Variants in GBA2 observed in about 807,000 individuals in gnomAD.
GBA2 encodes glucosylceramidase beta 2.
In GBA2, 79 loss-of-function variants were observed where a neutral mutation model predicts 112.9. The ratio of observed to expected loss-of-function variants is 0.70; its 90% confidence interval spans 0.58 to 0.84. GBA2 has a LOEUF of 0.84. GBA2 is among the 40% of genes least tolerant of loss of function. The probability of loss-of-function intolerance (pLI) is 0.00; values close to 1 mark genes in which losing one functional copy is unlikely to be tolerated. For missense variants in GBA2, 1,043 were observed against 1,190.0 expected (o/e 0.88, Z 1.82); for synonymous variants, 403 against 434.3 (o/e 0.93, Z 0.90).
intron 1 of GBA2, among the ~76,000 whole-genome samples, chr9:35,747,412 G>A (rs1048930208): frequency 2.6e-5 from 4 of 152,138 alleles, no homozygotes; most frequent in African/African-American, 9.7e-5. Context: ...GCTACCCACA[G>A]GCACCAACAA....
chr9:35,741,155 G>T lies in GBA2; in HGVS notation c.787-91C>A. ...TCAGTCCTGGGCACACAGAGGACCT[G>T]ACTCAAATACTCCCCAGTGTACTCT... On this transcript the variant is annotated intron_variant, in intron 4 of 16. Coordinates refer to ENST00000378103, the MANE Select transcript of GBA2 (RefSeq NM_020944.3). The surrounding 1 kb of genome is among the most constrained non-coding windows in gnomAD (Gnocchi z 4.6). The T allele has an allele frequency of 1.5e-6, 2 of 1,363,756 alleles. No individual in the cohort carries two copies. The highest frequency in any genetic ancestry group is 1.3e-5 in the South Asian group (1 of 79,166). 84.5% of individuals were successfully genotyped at this position (1,363,756 alleles called of 1,614,324 possible).
chr9:35,739,327 G>A lies in GBA2; in HGVS notation c.1675C>T (p.Gln559Ter), dbSNP rs138330598. Reference protein sequence around the residue: ...MLWPKLELSLQYDMALATLRE... With the variant: ...MLWPKLELSL The stretch of plus-strand genomic sequence containing the variant: ...AAGGGATCCTCACCCATGTCATACT[G>A]TAGGCTGAGCTCAAGTTTGGGCCAG... Residue 559 changes from glutamine (Q) to a stop codon, truncating the protein, a stop_gained, in exon 10 of 17, where the codon CAG becomes TAG. Coordinates refer to ENST00000378103, the MANE Select transcript of GBA2 (RefSeq NM_020944.3). LOFTEE classifies it high-confidence loss of function. 3.1e-6 allele frequency: 5 copies of A among 1,606,768 alleles called. No individual in the cohort carries two copies. Among genetic ancestry groups the A allele is most frequent in the Non-Finnish European group, 4.3e-6 (5 of 1,173,250 alleles).
At position 35,737,447 on chromosome 9, in the gene GBA2, C is replaced by T; in HGVS notation, c.2506G>A (p.Gly836Ser). ...YGLAATMIQE[G>S]LTWEGFQTAE... ...GTCTGGAAGCCCTCCCAAGTCAGGC[C>T]CTGTTGGGAGAGATGACAGTCATAC... The change falls in exon 17 of 17, where the codon GGC becomes AGC. Residue 836 changes from glycine (G) to serine (S), a missense_variant and splice_region_variant. Gly to Ser is a moderately conservative substitution (Grantham distance 56). Coordinates refer to ENST00000378103, the MANE Select transcript of GBA2 (RefSeq NM_020944.3). The surrounding 1 kb of genome is among the most constrained non-coding windows in gnomAD (Gnocchi z 4.1). The T allele has an allele frequency of 6.2e-7, 1 of 1,613,406 alleles. No homozygotes were observed. Among genetic ancestry groups the T allele is most frequent in the Non-Finnish European group, 8.5e-7 (1 of 1,179,628 alleles).
In GBA2 at chr9:35,737,374, A is replaced by C; in HGVS notation, c.2579T>G (p.Phe860Cys). 1 of 1,614,116 alleles carries C rather than the reference A, an allele frequency of 6.2e-7. No homozygotes were observed. The highest frequency in any genetic ancestry group is 8.5e-7 in the Non-Finnish European group (1 of 1,180,002). The change falls in exon 17 of 17, where the codon TTC (phenylalanine) becomes TGC (cysteine). Residue 860 changes from phenylalanine (F) to cysteine (C), a missense_variant. Transcript: ENST00000378103. This position sits in a 1 kb window ranked among gnomAD's most constrained non-coding sequence, Gnocchi z 4.1. ...CTGGCAGTATGCCTCTGGGGTCTGG[A>C]AGGCCAGACCCAGGCGCTCCCACAC... ...RTVWERLGLA[F>C]QTPEAYCQQR...
chr9:35,739,084 C>G lies in GBA2; in HGVS notation c.1713G>C (p.Leu571=). ...DMALATLRED[L]TRRRYLMSGV... ...CACTCATCAGGTACCGTCGCCGTGT[C>G]AGGTCCTCCCTGAGAGTGGCCAGAG... is the stretch of plus-strand genomic sequence containing the variant. Residue 571 remains leucine (L), a synonymous_variant, in exon 11 of 17, where the codon CTG becomes CTC. Transcript: ENST00000378103. The G allele has an allele frequency of 6.2e-7, 1 of 1,607,742 alleles. No homozygotes were observed.
Position 35,741,128 on chromosome 9 carries a change from G to T in GBA2, c.787-64C>A. The T allele has an allele frequency of 2.5e-6, 4 of 1,580,096 alleles. No individual in the cohort carries two copies. In the Admixed American group the frequency reaches 6.7e-5, roughly 27 times the overall value. On this transcript the variant is annotated intron_variant, in intron 4 of 16. Coordinates refer to ENST00000378103, the MANE Select transcript of GBA2 (RefSeq NM_020944.3). The surrounding 1 kb of genome is among the most constrained non-coding windows in gnomAD (Gnocchi z 4.6). ...GCGCCTCCTGACCCCACTCTGCTAG[G>T]ATCAGTCCTGGGCACACAGAGGACC...
Position 35,740,495 on chromosome 9 carries a change from C to T in GBA2, c.1129+31G>A. ...TCCCAAGACAGGGACAACCTCTCTT[C>T]CCACCATCTCCCAGTCAGACCCCCC... On this transcript the variant is annotated intron_variant, in intron 6 of 16. Coordinates refer to ENST00000378103, the MANE Select transcript of GBA2 (RefSeq NM_020944.3). This position sits in a 1 kb window ranked among gnomAD's most constrained non-coding sequence, Gnocchi z 4.7. 6.3e-7 allele frequency: 1 copy of T among 1,579,146 alleles called. No homozygotes were observed. Among genetic ancestry groups the T allele is most frequent in the Non-Finnish European group, 8.7e-7 (1 of 1,149,030 alleles).
In GBA2 at chr9:35,741,001, C is replaced by A. The variant is rs761202572; in HGVS notation, c.850G>T (p.Asp284Tyr). 2 of 1,614,010 alleles carry A rather than the reference C, an allele frequency of 1.2e-6. No homozygotes were observed. Among genetic ancestry groups the A allele is most frequent in the African/African-American group, 1.3e-5 (1 of 74,930 alleles). The change falls in exon 5 of 17, where the codon GAT (aspartate) becomes TAT (tyrosine). Residue 284 changes from aspartate (D) to tyrosine (Y), a missense_variant. Asp to Tyr is a radical substitution (Grantham distance 160). Transcript: ENST00000378103. This position sits in a 1 kb window ranked among gnomAD's most constrained non-coding sequence, Gnocchi z 4.6. ...DVENEGDEAL[D>Y]VSIMFSMRNG... ...CGCATGGAGAACATGATGGACACAT[C>A]TAGAGCTTCGTCCCCTTCATTTTCC... is the stretch of plus-strand genomic sequence containing the variant.
Position 35,739,991 on chromosome 9 carries a change from C to T in GBA2, c.1409+7G>A. On this transcript the variant is annotated splice_region_variant and intron_variant, in intron 8 of 16. Coordinates refer to ENST00000378103, the MANE Select transcript of GBA2 (RefSeq NM_020944.3). ...GGAGAAAGGCAAGAAATGGGCCCCA[C>T]TGGCACCTGTCATCCAATACCGGGC... is the stretch of plus-strand genomic sequence containing the variant. The T allele has an allele frequency of 1.2e-6, 2 of 1,613,986 alleles. No individual in the cohort carries two copies. The highest frequency in any genetic ancestry group is 1.7e-6 in the Non-Finnish European group (2 of 1,179,904).
At position 35,748,590 on chromosome 9, in the gene GBA2, C is replaced by A. The variant is rs773033377; in HGVS notation, c.115G>T (p.Asp39Tyr). 1.6e-5 allele frequency: 26 copies of A among 1,613,652 alleles called. No individual in the cohort carries two copies. Among genetic ancestry groups the A allele is most frequent in the Non-Finnish European group, 4.2e-6 (5 of 1,179,658 alleles). Reference protein sequence around the residue: ...YCPEETGGTKDVQVTDCKSPE... With the variant: ...YCPEETGGTKYVQVTDCKSPE... Reference sequence around the variant, plus strand: ...CTCTTACAGTCTGTAACCTGCACATCCTTGGTGCCGCCAGTCTCTTCAGGG... The same window carrying A: ...CTCTTACAGTCTGTAACCTGCACATACTTGGTGCCGCCAGTCTCTTCAGGG... Residue 39 changes from aspartate (D) to tyrosine (Y), a missense_variant, in exon 1 of 17, where the codon GAT (aspartate) becomes TAT (tyrosine). By Grantham distance (160) the Asp-to-Tyr change is radical (BLOSUM62 -3). Transcript: ENST00000378103.
chr9:35,744,592 A>G lies in GBA2; in HGVS notation c.451+23T>C, dbSNP rs12347769. ...TGGAGGCTAGGCCTTCTCTGAGCAGAGCAGAGATGGGGTGGGGCTCACCAT... is the reference window on the plus strand; with the variant it reads ...TGGAGGCTAGGCCTTCTCTGAGCAGGGCAGAGATGGGGTGGGGCTCACCAT... On this transcript the variant is annotated intron_variant, in intron 2 of 16. Transcript: ENST00000378103. 8,268 of 1,411,634 alleles carry G rather than the reference A, an allele frequency of 5.9e-3. 382 individuals carry two copies. The African/African-American group carries it at 0.1, about 18-fold the overall frequency. 87.4% of individuals were successfully genotyped at this position (1,411,634 alleles called of 1,614,324 possible). A position where few individuals can be genotyped will look rare whatever the true frequency, so the allele number is the denominator to read the frequency against.
In GBA2 at chr9:35,740,171, C is replaced by CA. The variant is rs1826563197; in HGVS notation, c.1283+37dup. 1 of 1,613,834 alleles carries CA rather than the reference C, an allele frequency of 6.2e-7. No individual in the cohort carries two copies. The highest frequency in any genetic ancestry group is 1.7e-5 in the Admixed American group (1 of 59,992). On this transcript the variant is annotated intron_variant, in intron 7 of 16. Coordinates refer to ENST00000378103, the MANE Select transcript of GBA2 (RefSeq NM_020944.3). This position sits in a 1 kb window ranked among gnomAD's most constrained non-coding sequence, Gnocchi z 4.7. ...GAACACAAGCCCCAGGTCAGAGCCC[C>CA]AGCACTCTGGATCCTTACACTTTCT...
In GBA2 at chr9:35,738,047, CCTT is replaced by C. The variant is rs928671211; in HGVS notation, c.2300_2302del (p.Glu767del). On this transcript the variant is annotated inframe_deletion, in exon 15 of 17. Coordinates refer to ENST00000378103, the MANE Select transcript of GBA2 (RefSeq NM_020944.3). ...CTCCTCCTCTCTCACCTCAGTGTCT[CCTT>C]CTCCTAGGCCACAGGCCTTCAGGAA... is the stretch of plus-strand genomic sequence containing the variant. 1.4e-5 allele frequency: 22 copies of C among 1,608,932 alleles called. No homozygotes were observed. Among genetic ancestry groups the C allele is most frequent in the Middle Eastern group, 3.3e-4 (2 of 6,076 alleles).
rs756367976 is a variant in GBA2 at position 35,737,237 on chromosome 9, CCT to C, written c.2714_2715del (p.Gln905ArgfsTer47). ...ATAGGCCCTGTCCTTAGTCCTGTGCCCTGTTTGACTTTTGGCCAGGAGGCCTT... is the reference window on the plus strand; with the variant it reads ...ATAGGCCCTGTCCTTAGTCCTGTGCCGTTTGACTTTTGGCCAGGAGGCCTT... ...HKKASWPKVK[Q>X]GTGLRTGPMF... is the part of the protein sequence containing the mutation. On this transcript the variant is annotated frameshift_variant, in exon 17 of 17. Transcript: ENST00000378103. LOFTEE classifies it high-confidence loss of function. The surrounding 1 kb of genome is among the most constrained non-coding windows in gnomAD (Gnocchi z 4.1). 1.9e-6 allele frequency: 3 copies of C among 1,613,670 alleles called. No homozygotes were observed. Among genetic ancestry groups the C allele is most frequent in the Admixed American group, 3.3e-5 (2 of 60,030 alleles).
intron 1 of GBA2, 126 bp from the exon 2 acceptor site, chr9:35,744,832 T>A: frequency 1.5e-6 from 1 of 661,198 alleles, no homozygotes; most frequent in East Asian, 2.7e-5. Context: ...AAACCTTTCT[T>A]CCTCTTGATT....
chr9:35,741,916 G>A lies in GBA2; in HGVS notation c.568-26C>T, dbSNP rs374823957. 5.9e-6 allele frequency: 9 copies of A among 1,530,764 alleles called. No individual in the cohort carries two copies. The highest frequency in any genetic ancestry group is 3.4e-5 in the Admixed American group (2 of 59,576). The allele number at this position is 1,530,764 out of a possible 1,614,324, so 94.8% of individuals were successfully genotyped here. A position where few individuals can be genotyped will look rare whatever the true frequency, so the allele number is the denominator to read the frequency against. ...CTTAAGAGGGCAGATAGGCTGGAAC[G>A]GGGTAAACCACAGGGACCACAGACT... On this transcript the variant is annotated intron_variant, in intron 3 of 16. Transcript: ENST00000378103. This position sits in a 1 kb window ranked among gnomAD's most constrained non-coding sequence, Gnocchi z 4.6.
rs1826538438 is a variant in GBA2, at chr9:35,739,928, A to C, written c.1409+70T>G. On this transcript the variant is annotated intron_variant, in intron 8 of 16. Transcript: ENST00000378103. ...CAAGTCTACTGACTTTGGTGGGTGGAGAGTAAATCGAGGAGTCCCATTTGG... is the reference window on the plus strand; with the variant it reads ...CAAGTCTACTGACTTTGGTGGGTGGCGAGTAAATCGAGGAGTCCCATTTGG... 20 of 1,584,200 alleles carry C rather than the reference A, an allele frequency of 1.3e-5. No homozygotes were observed. In the South Asian group the frequency reaches 2.2e-4, roughly 18 times the overall value.
chr9:35,738,764 C>T lies in GBA2; in HGVS notation c.1935G>A (p.Trp645Ter). 6.2e-7 allele frequency: 1 copy of T among 1,614,168 alleles called. No homozygotes were observed. The highest frequency in any genetic ancestry group is 8.5e-7 in the Non-Finnish European group (1 of 1,179,984). The change falls in exon 12 of 17, where the codon TGG (tryptophan) becomes TGA (stop). Residue 645 changes from tryptophan to a stop codon, truncating the protein, a stop_gained. Transcript: ENST00000378103. LOFTEE classifies it high-confidence loss of function. Reference sequence around the variant, plus strand: ...GTGCATCCCTTACTAGACACACAGGCCACATGTCCTTCAGGAAGTTTTGAT... The same window carrying T: ...GTGCATCCCTTACTAGACACACAGGTCACATGTCCTTCAGGAAGTTTTGAT... Reference protein sequence around the residue: ...TGDQNFLKDMWPVCLAVMESE... With the variant: ...TGDQNFLKDM
chr9:35,742,665 A>C (rs1335676440), intron 3 of GBA2, among the ~76,000 whole-genome samples: 2 of 152,108 alleles, frequency 1.3e-5, no homozygotes, highest in African/African-American at 4.8e-5. Context: ...ATGTGGAGGG[A>C]ATGAGCGAAA....
Sources: allele counts gnomAD v4.1 joint callset (sites outside exome capture counted in the v4.1 genomes callset), GRCh38; gene constraint gnomAD v4.1.1; non-coding constraint Gnocchi (gnomAD v3.1); transcripts MANE v1.5; gene names NCBI Gene and HGNC (gene_info 2026-07-23, HGNC 2026-07-21).